Variants in GRIP1 observed in about 807,000 individuals in gnomAD.
GRIP1 encodes glutamate receptor-interacting protein 1.
GRIP1 carries 45 observed loss-of-function variants against 129.9 expected under a neutral mutation model. That is an observed-to-expected ratio of 0.35 (90% CI 0.27 to 0.44). GRIP1 has a LOEUF of 0.44. GRIP1 is among the 20% of genes least tolerant of loss of function. GRIP1 has a pLI of 1.00. For synonymous variants in GRIP1, 530 were observed against 520.8 expected (o/e 1.02, Z -0.24); for missense variants, 1,196 against 1,396.8 (o/e 0.86, Z 2.29).
At chr12:66,729,054 T>TC (rs2036346422) in intron 1 of GRIP1, among the ~76,000 whole-genome samples, 1 of 40,312 alleles carries the variant, frequency 2.5e-5, no homozygotes, top group African/African-American at 1.4e-4. Flanking sequence ...ATACGTTAAT[T>TC]TTTTTTTTTT....
At chr12:66,662,102 ACAAT>A (rs887762112) in intron 1 of GRIP1, among the ~76,000 whole-genome samples, 13 of 152,122 alleles carry the variant, frequency 8.5e-5, no homozygotes, top group African/African-American at 3.1e-4. Context: ...AATTAAGAAA[ACAAT>A]CAATCAAAGC....
intron 23 of GRIP1, among the ~76,000 whole-genome samples, chr12:66,356,890 A>C (rs532245293): frequency 6.6e-6 from 1 of 152,174 alleles, no homozygotes; most frequent in African/African-American, 2.4e-5. Context: ...TAATTTTTTG[A>C]GACAAGGTCT....
At chr12:66,512,458 T>C (rs1336300984) in intron 7 of GRIP1, among the ~76,000 whole-genome samples, 1 of 152,052 alleles carries the variant, frequency 6.6e-6, no homozygotes, top group Non-Finnish European at 1.5e-5. Flanking sequence ...AGTTTTTAAC[T>C]GAAATTGTTG....
Position 66,579,606 on chromosome 12 carries a change from G to T in GRIP1, c.136+17241C>A, listed in dbSNP as rs190505504. Among the ~76,000 whole-genome samples the T allele has an allele frequency of 1.8e-3, 276 of 152,322 alleles. 1 individual carries two copies. The highest frequency in any genetic ancestry group is 5.9e-3 in the African/African-American group (244 of 41,574). ...AGCCAAGGCTCGAGAACTACGTAAA[G>T]AATGCAGAAGCCTCAGGAGCCGATG... On this transcript the variant is annotated intron_variant, in intron 2 of 24. Coordinates refer to ENST00000359742, the MANE Select transcript of GRIP1 (RefSeq NM_001366722.1).
chr12:66,603,151 A>G, intron 1 of GRIP1, among the ~76,000 whole-genome samples: 1 of 149,588 alleles, frequency 6.7e-6, no homozygotes, highest in Non-Finnish European at 1.5e-5. Flanking sequence ...ATGAACCACC[A>G]CATCTGGCTT....
At chr12:66,804,192 C>T (rs1268703994), upstream of GRIP1, 2 of 454,632 alleles carry the variant, frequency 4.4e-6, no homozygotes, top group Admixed American at 2.4e-5. Context: ...CCATCTCTTA[C>T]TCACCGTGCA....
chr12:66,376,923 G>C, intron 22 of GRIP1, 94 bp downstream of exon 22: 1 of 876,390 alleles, frequency 1.1e-6, no homozygotes, highest in Non-Finnish European at 2.0e-6. Context: ...ATATACTTTT[G>C]ACTGCATTGT....
chr12:66,630,670 G>A (rs2030677081), intron 1 of GRIP1, among the ~76,000 whole-genome samples: 1 of 152,166 alleles, frequency 6.6e-6, no homozygotes, highest in Non-Finnish European at 1.5e-5. Context: ...GGACATGAGG[G>A]CAGTGAGCAG....
intron 1 of GRIP1, among the ~76,000 whole-genome samples, chr12:66,692,643 C>T (rs531792811): frequency 1.3e-5 from 2 of 152,230 alleles, no homozygotes; most frequent in East Asian, 3.9e-4. Context: ...TGCATTTGGT[C>T]AGAAGTGCCA....
At chr12:66,723,246 TCCTTCCTTCCTTCCTTCCTTC>T (rs2036131037) in intron 1 of GRIP1, among the ~76,000 whole-genome samples, 1 of 7,008 alleles carries the variant, frequency 1.4e-4, no homozygotes, top group African/African-American at 6.2e-4. Context: ...CTCTCTTCCT[TCCTTCCTTCCTTCCTTCCTTC>T]CTTCCTTCCT....
intron 1 of GRIP1, among the ~76,000 whole-genome samples, chr12:66,714,886 CCCATCCATCCAT>C (rs71069016): frequency 1.0e-4 from 15 of 147,690 alleles, no homozygotes; most frequent in South Asian, 2.2e-4. Flanking sequence ...ATTCAATCCA[CCCATCCATCCAT>C]CCATCCATCC....
At chr12:66,612,918 A>T (rs2139894365) in intron 1 of GRIP1, among the ~76,000 whole-genome samples, 1 of 152,296 alleles carries the variant, frequency 6.6e-6, no homozygotes, top group African/African-American at 2.4e-5. Context: ...GTTCTTCTTC[A>T]TATGTTTCTA....
intron 1 of GRIP1, among the ~76,000 whole-genome samples, chr12:66,800,376 A>G (rs1243034039): frequency 6.6e-6 from 1 of 152,126 alleles, no homozygotes; most frequent in Non-Finnish European, 1.5e-5. Context: ...ACACAGGTGT[A>G]TAAGATGCTA....
chr12:66,391,357 T>A (rs2056578959), intron 19 of GRIP1, among the ~76,000 whole-genome samples: 1 of 152,244 alleles, frequency 6.6e-6, no homozygotes, highest in Non-Finnish European at 1.5e-5. Context: ...CTCTTGTTGA[T>A]GCTACGGATC....
At chr12:66,861,298 C>T (rs1273505491) in intron 1 of GRIP1, among the ~76,000 whole-genome samples, 1 of 152,082 alleles carries the variant, frequency 6.6e-6, no homozygotes, top group Non-Finnish European at 1.5e-5. Flanking sequence ...TGCAAACAGC[C>T]ACATTTGCAA....
chr12:66,984,609 C>T (rs1380984535), intron 1 of GRIP1, among the ~76,000 whole-genome samples: 1 of 152,134 alleles, frequency 6.6e-6, no homozygotes, highest in Admixed American at 6.6e-5. Flanking sequence ...AACTAAGTAA[C>T]TTGCCCAGGA....
intron 7 of GRIP1, among the ~76,000 whole-genome samples, chr12:66,476,069 T>C (rs1160868519): frequency 1.3e-5 from 2 of 152,028 alleles, no homozygotes; most frequent in African/African-American, 2.4e-5. Flanking sequence ...AAAAAATCAA[T>C]GAATCCAGGA....
chr12:66,680,714 A>G (rs567534792), upstream of GRIP1, among the ~76,000 whole-genome samples: 4 of 152,284 alleles, frequency 2.6e-5, no homozygotes, highest in South Asian at 8.3e-4. Flanking sequence ...ACTTACAGTT[A>G]GCTCTTTCCA....
intron 1 of GRIP1, among the ~76,000 whole-genome samples, chr12:66,788,043 T>C (rs1489609254): frequency 6.6e-6 from 1 of 151,894 alleles, no homozygotes; most frequent in Non-Finnish European, 1.5e-5. Context: ...CCAGGATTGG[T>C]CAACTGGAGT....
Sources: gnomAD v4.1 joint callset for allele counts (sites outside exome capture counted in the v4.1 genomes callset) on GRCh38, gnomAD v4.1.1 for gene constraint, MANE v1.5 for transcripts, NCBI Gene and HGNC (gene_info 2026-07-23, HGNC 2026-07-21) for gene names.